Variants in ADAMTSL1 observed in about 807,000 individuals in gnomAD.
ADAMTSL1 encodes ADAMTS-like protein 1.
A neutral mutation model predicts 201.8 loss-of-function variants in ADAMTSL1; 126 were observed. The ratio of observed to expected loss-of-function variants is 0.62; its 90% CI spans 0.54 to 0.72. ADAMTSL1 has a LOEUF of 0.72. Ranked by LOEUF, ADAMTSL1 falls within the 30% of genes least tolerant of loss-of-function variation. ADAMTSL1 has a pLI of 0.00. For synonymous variants in ADAMTSL1, 1,121 were observed against 903.4 expected (o/e 1.24, Z -4.32); for missense variants, 2,679 against 2,277.8 (o/e 1.18, Z -3.59).
intron 2 of ADAMTSL1, among the ~76,000 whole-genome samples, chr9:18,410,640 A>T (rs931643993): frequency 1.3e-5 from 2 of 152,156 alleles, no homozygotes; most frequent in African/African-American, 4.8e-5. Flanking sequence ...ATTCAGGTTG[A>T]TTCCATAACT....
intron 1 of ADAMTSL1, among the ~76,000 whole-genome samples, chr9:18,051,158 G>A (rs561724838): frequency 2.6e-4 from 40 of 152,264 alleles, no homozygotes; most frequent in African/African-American, 8.4e-4. Flanking sequence ...AAAATTAGCC[G>A]GGTGTGGTGG....
At chr9:18,191,841 T>C (rs762981111) in intron 2 of ADAMTSL1, among the ~76,000 whole-genome samples, 2 of 152,174 alleles carry the variant, frequency 1.3e-5, no homozygotes, top group Non-Finnish European at 1.5e-5. Context: ...TCTCTCCATT[T>C]CATGAAGTTA....
At chr9:18,547,153 T>C (rs141407614) in intron 3 of ADAMTSL1, among the ~76,000 whole-genome samples, 3 of 152,142 alleles carry the variant, frequency 2.0e-5, no homozygotes, top group African/African-American at 7.2e-5. Flanking sequence ...AATAAGAAAA[T>C]GTATGTAAGA....
chr9:18,609,501 T>A (rs1444185276), intron 4 of ADAMTSL1, among the ~76,000 whole-genome samples: 1 of 152,076 alleles, frequency 6.6e-6, no homozygotes, highest in Non-Finnish European at 1.5e-5. Context: ...ATTCCTTCAA[T>A]GGAATTTGAG....
upstream of ADAMTSL1, chr9:18,474,097 A>AC: frequency 2.0e-6 from 1 of 495,806 alleles, no homozygotes; most frequent in African/African-American, 2.0e-5. Flanking sequence ...CCCCTCGGTC[A>AC]GGAAATGTGA....
chr9:18,790,038 A>G (rs1221282071), intron 19 of ADAMTSL1, among the ~76,000 whole-genome samples: 1 of 152,126 alleles, frequency 6.6e-6, no homozygotes, highest in Non-Finnish European at 1.5e-5. Context: ...CAGAACCTGA[A>G]TATTTTGTCT....
chr9:17,993,611 C>A (rs547319204), intron 1 of ADAMTSL1, among the ~76,000 whole-genome samples: 12 of 152,244 alleles, frequency 7.9e-5, no homozygotes, highest in Non-Finnish European at 2.9e-5. Flanking sequence ...AACTTGGTCA[C>A]CCTTAGTCTT....
intron 2 of ADAMTSL1, among the ~76,000 whole-genome samples, chr9:18,317,398 A>G (rs1834447225): frequency 6.7e-6 from 1 of 149,092 alleles, no homozygotes; most frequent in Non-Finnish European, 1.5e-5. Flanking sequence ...TCCTCAACAC[A>G]CACACACACA....
chr9:18,361,100 G>A (rs376665742), intron 2 of ADAMTSL1, among the ~76,000 whole-genome samples: 14 of 152,034 alleles, frequency 9.2e-5, no homozygotes, highest in African/African-American at 7.2e-5. Context: ...GTTTTCCCCC[G>A]AATGTGGGTG....
At chr9:18,601,618 G>T (rs954812090) in intron 4 of ADAMTSL1, among the ~76,000 whole-genome samples, 1 of 152,060 alleles carries the variant, frequency 6.6e-6, no homozygotes, top group Non-Finnish European at 1.5e-5. Flanking sequence ...CATAGTGCCA[G>T]GTCTGTAATT....
chr9:18,733,787 T>G (rs985608648), intron 15 of ADAMTSL1, among the ~76,000 whole-genome samples: 2 of 151,790 alleles, frequency 1.3e-5, no homozygotes, highest in African/African-American at 4.8e-5. Flanking sequence ...TGAAGACTTA[T>G]TCTCAGTCAC....
At chr9:18,219,951 A>G (rs1200502540) in intron 2 of ADAMTSL1, among the ~76,000 whole-genome samples, 2 of 152,166 alleles carry the variant, frequency 1.3e-5, no homozygotes, top group African/African-American at 4.8e-5. Context: ...TCAGAAAATA[A>G]GGACAGTTTT....
At chr9:18,863,351 G>A (rs918284685) in intron 23 of ADAMTSL1, among the ~76,000 whole-genome samples, 8 of 152,200 alleles carry the variant, frequency 5.3e-5, no homozygotes, top group Non-Finnish European at 1.0e-4. Context: ...CATGGGAGAC[G>A]TTAGCATACC....
intron 1 of ADAMTSL1, among the ~76,000 whole-genome samples, chr9:17,997,740 A>G (rs1819442262): frequency 6.6e-6 from 1 of 152,092 alleles, no homozygotes; most frequent in African/African-American, 2.4e-5. Context: ...TCACACATGT[A>G]ATGCATGTAG....
chr9:18,695,467 G>C (rs1831494734), intron 13 of ADAMTSL1, among the ~76,000 whole-genome samples: 1 of 152,156 alleles, frequency 6.6e-6, no homozygotes, highest in Admixed American at 6.5e-5. Flanking sequence ...TTCAGGTTAT[G>C]TCTTTGCTCA....
chr9:18,479,848 G>C (rs1468010336), intron 1 of ADAMTSL1, among the ~76,000 whole-genome samples: 1 of 152,226 alleles, frequency 6.6e-6, no homozygotes, highest in African/African-American at 2.4e-5. Context: ...AAGGAAAAAT[G>C]TCAGCATTCA....
chr9:18,274,107 A>T (rs1457235557), intron 2 of ADAMTSL1, among the ~76,000 whole-genome samples: 1 of 152,254 alleles, frequency 6.6e-6, no homozygotes, highest in Admixed American at 6.5e-5. Context: ...GAATTTAGAT[A>T]TCTCTCACTT....
In ADAMTSL1 at chr9:18,161,465, G is replaced by T. The variant is rs140597583; in HGVS notation, c.88-2397G>T. 6.9e-3 allele frequency among the ~76,000 whole-genome samples: 1,048 copies of T among 152,132 alleles called. 12 individuals are homozygous for T. The highest frequency in any genetic ancestry group is 0.024 in the African/African-American group (1,010 of 41,554). On this transcript the variant is annotated intron_variant, in intron 1 of 29. Transcript: ENST00000680146. ...TTCAAAATAGCCTTGGATTTTTGAA[G>T]AAATGTTTCATAAAATATGGGATTC... is the stretch of plus-strand genomic sequence containing the variant.
intron 2 of ADAMTSL1, among the ~76,000 whole-genome samples, chr9:18,257,469 T>G (rs1302927899): frequency 6.6e-6 from 1 of 152,118 alleles, no homozygotes; most frequent in Non-Finnish European, 1.5e-5. Flanking sequence ...CAATGAAATA[T>G]CACTTCACAC....
Sources: allele counts gnomAD v4.1 joint callset (sites outside exome capture counted in the v4.1 genomes callset), GRCh38; gene constraint gnomAD v4.1.1; transcripts MANE v1.5; gene names NCBI Gene and HGNC (gene_info 2026-07-23, HGNC 2026-07-21).